TUBGCP5: variants seen among roughly 807,000 people sequenced by gnomAD.
TUBGCP5 encodes the protein gamma-tubulin complex component 5.
In TUBGCP5, 98 loss-of-function variants were observed where a neutral mutation model predicts 134.7. The observed-to-expected ratio is 0.73, with a 90% CI of 0.62 to 0.86. The LOEUF (loss-of-function observed/expected upper bound fraction) is 0.86. Among genes scored for constraint, TUBGCP5 ranks in the 40% least tolerant of loss-of-function variants. The pLI is 0.00. For synonymous variants in TUBGCP5, 456 were observed against 431.4 expected, an observed-to-expected ratio of 1.06 and a Z score of -0.71; for missense variants, 1,150 against 1,244.8, an observed-to-expected ratio of 0.92 and a Z score of 1.15.
chr15:22,995,990 C>T (rs914323751), downstream of TUBGCP5, among the ~76,000 whole-genome samples: 5 of 152,266 alleles, frequency 3.3e-5, no homozygotes, highest in East Asian at 3.9e-4. Context: ...CATTCCACTG[C>T]GTGCATATAC....
intron 13 of TUBGCP5, 65 bp downstream of exon 13, chr15:23,017,708 T>C (rs964347252): frequency 6.1e-6 from 9 of 1,481,812 alleles, no homozygotes; most frequent in Non-Finnish European, 6.4e-6. Context: ...GGTATCAGGA[T>C]GACAAGAGCG....
chr15:22,996,080 T>G (rs2064063286), downstream of TUBGCP5, among the ~76,000 whole-genome samples: 1 of 152,216 alleles, frequency 6.6e-6, no homozygotes, highest in Non-Finnish European at 1.5e-5. Context: ...CAGATACAAA[T>G]CTCTGCGTGG....
intron 8 of TUBGCP5, 112 bp from the exon 9 acceptor site, chr15:23,024,942 C>G (rs1284444481): frequency 3.0e-6 from 2 of 661,842 alleles, no homozygotes; most frequent in Non-Finnish European, 5.4e-6. Flanking sequence ...TTGTCACCCA[C>G]CCAGGCTGGA....
intron 14 of TUBGCP5, among the ~76,000 whole-genome samples, chr15:23,010,753 C>T (rs2064988204): frequency 6.6e-6 from 1 of 151,988 alleles, no homozygotes; most frequent in East Asian, 1.9e-4. Flanking sequence ...CCGAGGTGGG[C>T]AGATCACCTG....
At chr15:22,999,111 A>G (rs1464771318), downstream of TUBGCP5, 1 of 152,194 alleles carries the variant, frequency 6.6e-6, no homozygotes, top group African/African-American at 2.4e-5. Context: ...TTTAGGGAAG[A>G]CAACATGTAA....
At position 23,026,164 on chromosome 15, in the gene TUBGCP5, T is replaced by C; in HGVS notation, c.779A>G (p.Asp260Gly). ...LYSSDPLYVP[D>G]DRVLVTETQV... The stretch of plus-strand genomic sequence containing the variant: ...AGTCTCAGTAACCAAAACCCTGTCA[T>C]CTGGAACATACAATGGATCACTGCT... Residue 260 changes from aspartate (D) to glycine (G), a missense_variant, in exon 8 of 23, where the codon GAT (aspartate) becomes GGT (glycine). Asp to Gly is a moderately conservative substitution (Grantham distance 94). This residue lies in a region of TUBGCP5 where 453 missense variants were observed against 394.7 expected (regional missense o/e 1.15). Coordinates refer to ENST00000615383, the MANE Select transcript of TUBGCP5 (RefSeq NM_052903.6). 1 of 1,611,542 alleles carries C rather than the reference T, an allele frequency of 6.2e-7. No homozygotes were observed. The highest frequency in any genetic ancestry group is 8.5e-7 in the Non-Finnish European group (1 of 1,179,374).
At chr15:23,032,999 T>A (rs1057202345) in intron 3 of TUBGCP5, among the ~76,000 whole-genome samples, 175 bp from the exon 4 acceptor site, 7 of 152,188 alleles carry the variant, frequency 4.6e-5, no homozygotes, top group Admixed American at 4.6e-4. Flanking sequence ...CTCAAATGCA[T>A]ACACATAAGG....
intron 21 of TUBGCP5, among the ~76,000 whole-genome samples, chr15:23,001,539 C>T (rs1019191036): frequency 6.6e-6 from 1 of 151,912 alleles, no homozygotes; most frequent in Non-Finnish European, 1.5e-5. Context: ...GATGGAGTTT[C>T]TCCATGTTGG....
rs553762965 is a variant in TUBGCP5 at position 23,008,743 on chromosome 15, T to A, written c.2283A>T (p.Gln761His). Residue 761 changes from glutamine (Q) to histidine (H), a missense_variant, in exon 16 of 23, where the codon CAA becomes CAT. Coordinates refer to ENST00000615383, the MANE Select transcript of TUBGCP5 (RefSeq NM_052903.6). ...AACGCTGTCCTACTGCTTCTTGGAG[T>A]TGGACATTAAGAAAAGACACATTCT... ...TWQNVSFLNV[Q>H]LQEAVGQRYP... 1.2e-6 allele frequency: 2 copies of A among 1,607,500 alleles called. No homozygotes were observed. The highest frequency in any genetic ancestry group is 1.1e-5 in the South Asian group (1 of 89,042).
intron 12 of TUBGCP5, among the ~76,000 whole-genome samples, chr15:23,018,871 T>C (rs2065492598): frequency 6.6e-6 from 1 of 152,188 alleles, no homozygotes; most frequent in Non-Finnish European, 1.5e-5. Context: ...TGTATCTCTT[T>C]ACTGATAATT....
At chr15:22,984,446 CCT>C (rs1161843581) in intron 23 of TUBGCP5, among the ~76,000 whole-genome samples, 1 of 152,024 alleles carries the variant, frequency 6.6e-6, no homozygotes, top group African/African-American at 2.4e-5. Flanking sequence ...GTGGCGAAAC[CCT>C]GTCTCTACTG....
intron 23 of TUBGCP5, among the ~76,000 whole-genome samples, chr15:22,983,991 G>T (rs1266376036): frequency 6.6e-6 from 1 of 152,076 alleles, no homozygotes. Context: ...ATAGTAGGCG[G>T]TGCCTGTGGT....
At chr15:23,005,403 G>A in intron 19 of TUBGCP5, 29 bp downstream of exon 19, 1 of 1,609,802 alleles carries the variant, frequency 6.2e-7, no homozygotes, top group Non-Finnish European at 8.5e-7. Flanking sequence ...TACGACGATA[G>A]AACTGAAGCA....
rs1394251408 is a variant in TUBGCP5, at chr15:23,039,560, G to A, written c.-17C>T. 2.9e-6 allele frequency: 4 copies of A among 1,392,160 alleles called. No individual in the cohort carries two copies. Among genetic ancestry groups the A allele is most frequent in the Non-Finnish European group, 3.8e-6 (4 of 1,057,478 alleles). 86.2% of individuals were successfully genotyped at this position (1,392,160 alleles called of 1,614,324 possible). ...CCGCGCCATGTTCCGCGCTCCTGCA[G>A]CGCGCGTCTAACGAATTGGTGCCTG... is the stretch of plus-strand genomic sequence containing the variant. On this transcript the variant is annotated 5_prime_UTR_variant, in exon 1 of 23. Transcript: ENST00000615383.
At chr15:22,986,141 A>ATAAT (rs1401576203) in intron 23 of TUBGCP5, among the ~76,000 whole-genome samples, 1,391 of 131,050 alleles carry the variant, frequency 0.011, 26 homozygotes, top group African/African-American at 0.04. Context: ...CTCAAAAAAA[A>ATAAT]AAAAAAAATA....
At chr15:22,991,646 T>A (rs769993874) in intron 23 of TUBGCP5, among the ~76,000 whole-genome samples, 2 of 152,184 alleles carry the variant, frequency 1.3e-5, no homozygotes, top group African/African-American at 2.4e-5. Flanking sequence ...GCCTTCTTCT[T>A]GTCAACCTAA....
chr15:23,018,594 T>TA (rs1158856306), intron 12 of TUBGCP5, among the ~76,000 whole-genome samples: 1 of 152,194 alleles, frequency 6.6e-6, no homozygotes, highest in Non-Finnish European at 1.5e-5. Context: ...ACTAAAGACT[T>TA]AAAGTTATCC....
At chr15:23,008,549 T>C (rs1332172169) in intron 16 of TUBGCP5, 150 bp downstream of exon 16, 5 of 1,017,232 alleles carry the variant, frequency 4.9e-6, no homozygotes, top group Non-Finnish European at 7.4e-6. Flanking sequence ...TGAGCCACCG[T>C]GCCTGGCCTC....
intron 4 of TUBGCP5, 55 bp from the exon 5 acceptor site, chr15:23,032,084 A>T: frequency 7.4e-7 from 1 of 1,359,866 alleles, no homozygotes; most frequent in Non-Finnish European, 1.0e-6. Context: ...TTTGAAAAAA[A>T]ACCTCAAAAC....
Sources: gnomAD v4.1 joint callset for allele counts (sites outside exome capture counted in the v4.1 genomes callset) on GRCh38, gnomAD v4.1.1 for gene constraint, gnomAD v4.1.1 regional missense constraint, MANE v1.5 for transcripts, NCBI Gene and HGNC (gene_info 2026-07-23, HGNC 2026-07-21) for gene names.